Variants in ENTREP2 observed in about 807,000 individuals in gnomAD.
ENTREP2 encodes endosomal transmembrane epsin interactor 2.
the ENTREP2 span, among the ~76,000 whole-genome samples, chr15:29,607,203 G>C: frequency 2.1e-4 from 32 of 151,534 alleles, no homozygotes; most frequent in South Asian, 1.7e-3. Flanking sequence ...TACTTCCTCT[G>C]TTCTCTTGCT....
At chr15:29,521,944 G>A in the ENTREP2 span, among the ~76,000 whole-genome samples, 1 of 151,894 alleles carries the variant, frequency 6.6e-6, no homozygotes, top group African/African-American at 2.4e-5. Context: ...GACCAATACA[G>A]TATAATCTCT....
At chr15:29,206,689 G>A in the ENTREP2 span, among the ~76,000 whole-genome samples, 16 of 152,068 alleles carry the variant, frequency 1.1e-4, no homozygotes, top group African/African-American at 3.6e-4. Context: ...ATGTTTTTTT[G>A]AGGTGATGAA....
chr15:29,242,278 A>C, the ENTREP2 span, among the ~76,000 whole-genome samples: 2 of 152,094 alleles, frequency 1.3e-5, no homozygotes, highest in African/African-American at 4.8e-5. Flanking sequence ...CAGGTTGTCC[A>C]GGCTGGTCTC....
the ENTREP2 span, chr15:29,233,526 T>C: frequency 1.8e-4 from 95 of 520,844 alleles, no homozygotes; most frequent in African/African-American, 1.3e-3. Context: ...ATAATTTGTA[T>C]AGGCCAAACA....
chr15:29,220,030 T>A, the ENTREP2 span, among the ~76,000 whole-genome samples: 1 of 151,864 alleles, frequency 6.6e-6, no homozygotes, highest in Non-Finnish European at 1.5e-5. Context: ...AAAATAAAAA[T>A]AAAAAAGAAA....
At chr15:29,512,044 T>C in the ENTREP2 span, among the ~76,000 whole-genome samples, 4 of 151,634 alleles carry the variant, frequency 2.6e-5, no homozygotes, top group African/African-American at 4.8e-5. Context: ...TTCTAAACTT[T>C]CTATGGTGAA....
At chr15:29,417,516 A>G in the ENTREP2 span, among the ~76,000 whole-genome samples, 1 of 152,186 alleles carries the variant, frequency 6.6e-6, no homozygotes, top group African/African-American at 2.4e-5. Context: ...GCAGAGAGAG[A>G]TAGCATTAGG....
At chr15:29,136,056 TG>T in the ENTREP2 span, among the ~76,000 whole-genome samples, 1 of 152,282 alleles carries the variant, frequency 6.6e-6, no homozygotes, top group Middle Eastern at 3.4e-3. Flanking sequence ...GAAATGGAAC[TG>T]GGGATCTAAG....
At chr15:29,622,343 T>C in the ENTREP2 span, among the ~76,000 whole-genome samples, 1 of 151,976 alleles carries the variant, frequency 6.6e-6, no homozygotes, top group Non-Finnish European at 1.5e-5. Flanking sequence ...GTAGCTGGGA[T>C]TACAGGTGCC....
At chr15:29,290,447 G>T in the ENTREP2 span, among the ~76,000 whole-genome samples, 4 of 152,130 alleles carry the variant, frequency 2.6e-5, no homozygotes, top group African/African-American at 9.7e-5. Flanking sequence ...TACTCCCGAG[G>T]TTTTGAACGA....
At chr15:29,493,125 C>CTTTTTTTTTTTT in the ENTREP2 span, among the ~76,000 whole-genome samples, 5 of 84,774 alleles carry the variant, frequency 5.9e-5, no homozygotes, top group African/African-American at 2.7e-4. Context: ...CCTGACAACC[C>CTTTTTTTTTTTT]TTTTTTTTTT....
the ENTREP2 span, among the ~76,000 whole-genome samples, chr15:29,302,708 G>A: frequency 6.6e-6 from 1 of 152,118 alleles, no homozygotes; most frequent in Non-Finnish European, 1.5e-5. Flanking sequence ...GTGCAAATGG[G>A]ATGTTTCCCG....
the ENTREP2 span, among the ~76,000 whole-genome samples, chr15:29,225,231 A>T: frequency 2.0e-5 from 3 of 152,264 alleles, no homozygotes; most frequent in Admixed American, 6.5e-5. Context: ...CCTCAAGCAC[A>T]GCCAGAGTGG....
At chr15:29,202,414 T>C in the ENTREP2 span, among the ~76,000 whole-genome samples, 1 of 152,186 alleles carries the variant, frequency 6.6e-6, no homozygotes, top group Non-Finnish European at 1.5e-5. Context: ...GTCTTAGTAA[T>C]GTTTACATTG....
the ENTREP2 span, among the ~76,000 whole-genome samples, chr15:29,517,911 C>G: frequency 6.6e-6 from 1 of 152,152 alleles, no homozygotes; most frequent in Non-Finnish European, 1.5e-5. Flanking sequence ...ATGTCCATTA[C>G]CTCACATAGC....
At chr15:29,300,324 ATGGATGGATG>A in the ENTREP2 span, among the ~76,000 whole-genome samples, 1 of 99,474 alleles carries the variant, frequency 1.0e-5, no homozygotes, top group Non-Finnish European at 1.8e-5. Flanking sequence ...GGATGGATGG[ATGGATGGATG>A]ATGGATGGAT....
chr15:29,381,853 G>T, the ENTREP2 span: 1 of 1,551,184 alleles, frequency 6.4e-7, no homozygotes, highest in Non-Finnish European at 8.7e-7. Flanking sequence ...AAAGATACAG[G>T]AAGGTGAGAT....
At chr15:29,626,914 GTCTT>G in the ENTREP2 span, among the ~76,000 whole-genome samples, 2 of 152,078 alleles carry the variant, frequency 1.3e-5, no homozygotes, top group African/African-American at 4.8e-5. Flanking sequence ...AAAATAAACT[GTCTT>G]TATTGTTGCC....
the ENTREP2 span, among the ~76,000 whole-genome samples, chr15:29,480,829 G>T: frequency 6.6e-6 from 1 of 152,182 alleles, no homozygotes; most frequent in Admixed American, 6.5e-5. Flanking sequence ...GCAGTTGGGG[G>T]GTGAGAGTCT....
Sources: gnomAD v4.1 joint callset for allele counts (sites outside exome capture counted in the v4.1 genomes callset) on GRCh38, gnomAD v4.1.1 for gene constraint, MANE v1.5 for transcripts, NCBI Gene and HGNC (gene_info 2026-07-23, HGNC 2026-07-21) for gene names.